DYNC2H1: variants seen among roughly 807,000 people sequenced by gnomAD.
DYNC2H1 encodes the protein dynein cytoplasmic 2 heavy chain 1.
DYNC2H1 carries 410 observed loss-of-function variants against 570.0 expected under a neutral mutation model. The observed-to-expected ratio is 0.72, with a 90% CI of 0.66 to 0.78. DYNC2H1 has a LOEUF of 0.78. Ranked by LOEUF, DYNC2H1 falls within the 30% of genes least tolerant of loss-of-function variation. The pLI, the probability that DYNC2H1 is intolerant of heterozygous loss-of-function variation, is 0.00. For missense variants in DYNC2H1, 4,865 were observed against 5,046.4 expected (o/e 0.96, Z 1.09); for synonymous variants, 1,688 against 1,677.6 (o/e 1.01, Z -0.15).
At chr11:103,473,188 A>T (rs1235518554) in intron 88 of DYNC2H1, among the ~76,000 whole-genome samples, 1 of 152,198 alleles carries the variant, frequency 6.6e-6, no homozygotes, top group African/African-American at 2.4e-5. Context: ...AATAAATAAA[A>T]TGCTGATGAA....
intron 84 of DYNC2H1, among the ~76,000 whole-genome samples, chr11:103,416,126 A>C (rs372096877): frequency 3.3e-5 from 5 of 152,146 alleles, no homozygotes; most frequent in Non-Finnish European, 5.9e-5. Flanking sequence ...CAGGAAGGGA[A>C]CCATCACACA....
chr11:103,297,285 A>G (rs778127167), intron 75 of DYNC2H1, among the ~76,000 whole-genome samples: 14 of 152,168 alleles, frequency 9.2e-5, no homozygotes, highest in Non-Finnish European at 1.9e-4. Flanking sequence ...CCAAAAGTAC[A>G]GTCATGTGTT....
Position 103,135,940 on chromosome 11 carries a change from C to G in DYNC2H1, c.2566C>G (p.Gln856Glu), listed in dbSNP as rs1342062496. The stretch of plus-strand genomic sequence containing the variant: ...TAGAAGATTGTCAGCTGTTTTACAC[C>G]AACATAAGGTATAGAACATGTAATG... The part of the protein sequence containing the change: ...LFRRLSAVLH[Q>E]HKEWIVIGQV... Residue 856 changes from glutamine to glutamate, a missense_variant, in exon 17 of 89, where the codon CAA becomes GAA. By Grantham distance (29) the Gln-to-Glu change is conservative. Coordinates refer to ENST00000375735, the MANE Select transcript of DYNC2H1 (RefSeq NM_001377.3). The G allele has an allele frequency of 1.2e-6, 2 of 1,602,970 alleles. No individual in the cohort carries two copies. Among genetic ancestry groups the G allele is most frequent in the African/African-American group, 2.7e-5 (2 of 74,598 alleles).
chr11:103,294,703 C>G (rs1565471604), intron 75 of DYNC2H1, among the ~76,000 whole-genome samples: 1 of 152,200 alleles, frequency 6.6e-6, no homozygotes, highest in East Asian at 1.9e-4. Flanking sequence ...CAGCACAGTA[C>G]TGAGGCTTGC....
rs1333139116 is a variant in DYNC2H1 at position 103,345,552 on chromosome 11, AT to A, written c.12040-12685del. 1.7e-4 allele frequency among the ~76,000 whole-genome samples: 26 copies of A among 152,226 alleles called. 1 individual carries two copies. Among genetic ancestry groups the A allele is most frequent in the African/African-American group, 5.5e-4 (23 of 41,538 alleles). ...GTACTTCATTGTGATCTTGATTCACATTTTTTATTGCTGTGGAGACAGTATG... is the reference window on the plus strand; with the variant it reads ...GTACTTCATTGTGATCTTGATTCACATTTTTATTGCTGTGGAGACAGTATG... On this transcript the variant is annotated intron_variant, in intron 82 of 88. Coordinates refer to ENST00000375735, the MANE Select transcript of DYNC2H1 (RefSeq NM_001377.3).
chr11:103,128,971 T>C lies in DYNC2H1; in HGVS notation c.1919T>C (p.Leu640Ser). Residue 640 changes from leucine (L) to serine (S), a missense_variant, in exon 13 of 89, where the codon TTA becomes TCA. By Grantham distance (145) the Leu-to-Ser change is moderately radical. Around this residue, in one of 5 missense-constraint regions of DYNC2H1, gnomAD observed 1,936 missense variants for 1,962.1 expected, o/e 0.99. Coordinates refer to ENST00000375735, the MANE Select transcript of DYNC2H1 (RefSeq NM_001377.3). Reference sequence around the variant, plus strand: ...ATTCAAAGTCAGAGGCCAATGATGTTACAATCTGCCTTAGCATTTGAACAG... The same window carrying C: ...ATTCAAAGTCAGAGGCCAATGATGTCACAATCTGCCTTAGCATTTGAACAG... ...QMIQSQRPMM[L>S]QSALAFEQII... is the part of the protein sequence containing the mutation. 1.9e-6 allele frequency: 3 copies of C among 1,605,440 alleles called. No homozygotes were observed. Among genetic ancestry groups the C allele is most frequent in the Non-Finnish European group, 2.5e-6 (3 of 1,176,832 alleles).
chr11:103,415,296 CAACAAAAGCCAAAATT>C (rs952252338), intron 84 of DYNC2H1, among the ~76,000 whole-genome samples: 2 of 152,120 alleles, frequency 1.3e-5, no homozygotes, highest in African/African-American at 2.4e-5. Flanking sequence ...CAATGGCATG[CAACAAAAGCCAAAATT>C]GACAAATGAG....
At chr11:103,200,314 A>G (rs552333757) in intron 50 of DYNC2H1, among the ~76,000 whole-genome samples, 160 bp downstream of exon 50, 34 of 152,334 alleles carry the variant, frequency 2.2e-4, no homozygotes, top group Admixed American at 6.5e-4. Flanking sequence ...GAGAATTGAG[A>G]GACTCCATTT....
chr11:103,394,072 T>G (rs1347286500), intron 83 of DYNC2H1, among the ~76,000 whole-genome samples: 7 of 152,210 alleles, frequency 4.6e-5, no homozygotes, highest in Non-Finnish European at 1.0e-4. Context: ...TAGCCTTGGC[T>G]TTACTTGATC....
At chr11:103,284,011 G>A (rs1866247939) in intron 73 of DYNC2H1, among the ~76,000 whole-genome samples, 2 of 37,764 alleles carry the variant, frequency 5.3e-5, no homozygotes, top group South Asian at 3.5e-3. Context: ...CCTTGTAAAA[G>A]CTACTTTTAA....
intron 83 of DYNC2H1, among the ~76,000 whole-genome samples, chr11:103,397,958 A>C (rs542876968): frequency 1.3e-5 from 2 of 152,350 alleles, no homozygotes; most frequent in African/African-American, 4.8e-5. Flanking sequence ...GATAAATGGA[A>C]TCTTGCTTCA....
intron 84 of DYNC2H1, 93 bp from the exon 85 acceptor site, chr11:103,435,850 T>C: frequency 8.1e-7 from 1 of 1,232,702 alleles, no homozygotes; most frequent in Non-Finnish European, 1.2e-6. Context: ...ATGTGAATTA[T>C]GCCAAAATTT....
intron 85 of DYNC2H1, among the ~76,000 whole-genome samples, chr11:103,437,634 C>G (rs1018348534): frequency 6.6e-6 from 1 of 152,088 alleles, no homozygotes; most frequent in Admixed American, 6.6e-5. Context: ...TAATTTATCA[C>G]TAAATGCTGG....
chr11:103,374,974 G>C (rs1400798304), intron 83 of DYNC2H1, among the ~76,000 whole-genome samples: 2 of 152,202 alleles, frequency 1.3e-5, no homozygotes, highest in Non-Finnish European at 2.9e-5. Context: ...AGACCTTCAT[G>C]GCAGCCCCTC....
intron 84 of DYNC2H1, among the ~76,000 whole-genome samples, chr11:103,428,994 C>T (rs1331944942): frequency 6.6e-6 from 1 of 152,042 alleles, no homozygotes; most frequent in Admixed American, 6.6e-5. Context: ...GGCGCAGTGG[C>T]TCACGCCTGT....
At chr11:103,232,096 A>G (rs899777666) in intron 60 of DYNC2H1, among the ~76,000 whole-genome samples, 7 of 151,996 alleles carry the variant, frequency 4.6e-5, no homozygotes, top group Admixed American at 1.3e-4. Context: ...AGTATAATGT[A>G]TTATTTTCAC....
intron 17 of DYNC2H1, among the ~76,000 whole-genome samples, chr11:103,138,641 C>T (rs927934263): frequency 3.3e-5 from 5 of 152,138 alleles, no homozygotes; most frequent in East Asian, 1.9e-4. Context: ...ATTTTTACAT[C>T]GATGTTCATC....
intron 17 of DYNC2H1, among the ~76,000 whole-genome samples, chr11:103,141,128 T>C (rs1169893753): frequency 6.6e-6 from 1 of 152,200 alleles, no homozygotes; most frequent in East Asian, 1.9e-4. Flanking sequence ...TCAAAGTTTT[T>C]AACTTCTTTG....
At chr11:103,342,634 C>G (rs1939521729) in intron 82 of DYNC2H1, among the ~76,000 whole-genome samples, 1 of 151,988 alleles carries the variant, frequency 6.6e-6, no homozygotes, top group South Asian at 2.1e-4. Context: ...TCCTGAGTAG[C>G]TGGGACTACA....
Sources: allele counts gnomAD v4.1 joint callset (sites outside exome capture counted in the v4.1 genomes callset), GRCh38; gene constraint gnomAD v4.1.1; regional missense constraint gnomAD v4.1.1; transcripts MANE v1.5; gene names NCBI Gene and HGNC (gene_info 2026-07-23, HGNC 2026-07-21).